Variants in HECW2 observed in about 807,000 individuals in gnomAD.
HECW2 encodes the protein HECT, C2 and WW domain containing E3 ubiquitin protein ligase 2.
A neutral mutation model predicts 175.2 loss-of-function variants in HECW2; 61 were observed. The ratio of observed to expected loss-of-function variants is 0.35; its 90% CI spans 0.28 to 0.43. The LOEUF (loss-of-function observed/expected upper bound fraction) is 0.43, where lower values mean the gene tolerates loss of function less well. Among genes scored for constraint, HECW2 ranks in the 20% least tolerant of loss-of-function variants. HECW2 has a pLI of 1.00. For missense variants in HECW2, 1,524 were observed against 2,000.5 expected, an observed-to-expected ratio of 0.76 and a Z score of 4.54; for synonymous variants, 671 against 731.0, an observed-to-expected ratio of 0.92 and a Z score of 1.32.
chr2:196,564,360 G>A (rs967788770), intron 1 of HECW2, among the ~76,000 whole-genome samples: 1 of 152,148 alleles, frequency 6.6e-6, no homozygotes, highest in Non-Finnish European at 1.5e-5. Context: ...AAATGTACAT[G>A]AGATGATATT....
intron 13 of HECW2, among the ~76,000 whole-genome samples, chr2:196,297,456 A>G (rs1690860544): frequency 6.6e-6 from 1 of 152,240 alleles, no homozygotes; most frequent in South Asian, 2.1e-4. Flanking sequence ...TGGCAGCAGA[A>G]TAAGAAAATT....
At chr2:196,536,024 A>G (rs1327211387) in intron 1 of HECW2, among the ~76,000 whole-genome samples, 1 of 152,166 alleles carries the variant, frequency 6.6e-6, no homozygotes, top group Non-Finnish European at 1.5e-5. Context: ...AAAATGGTTG[A>G]TAGAGGCTAA....
At chr2:196,485,855 T>C (rs943274120) in intron 1 of HECW2, among the ~76,000 whole-genome samples, 5 of 152,168 alleles carry the variant, frequency 3.3e-5, no homozygotes, top group African/African-American at 1.2e-4. Context: ...GGGAGGAAGA[T>C]ATTTAGAAAA....
intron 1 of HECW2, among the ~76,000 whole-genome samples, chr2:196,564,013 T>C (rs2125503336): frequency 6.6e-6 from 1 of 152,312 alleles, no homozygotes; most frequent in Non-Finnish European, 1.5e-5. Flanking sequence ...CACAGGTACT[T>C]GTATATGGGA....
rs749017993 is a variant in HECW2, at chr2:196,306,577, A to T, written c.2725T>A (p.Ser909Thr). ...RRENILPHST[S>T]RSRITLLLQS... ...AACAGCAACGTGATCCTGGATCTGG[A>T]GGTAGAGTGAGGCAGGATGTTCTCC... The change falls in exon 13 of 29, where the codon TCC (serine) becomes ACC (threonine). Residue 909 changes from serine (S) to threonine (T), a missense_variant. This residue lies in a region of HECW2 where 105 missense variants were observed against 98.1 expected (regional missense o/e 1.07). Coordinates refer to ENST00000644978, the MANE Select transcript of HECW2 (RefSeq NM_001348768.2). The T allele has an allele frequency of 7.4e-6, 12 of 1,613,150 alleles. No homozygotes were observed. Among genetic ancestry groups the T allele is most frequent in the Non-Finnish European group, 9.3e-6 (11 of 1,179,560 alleles).
chr2:196,454,002 G>T (rs962887065), intron 1 of HECW2, among the ~76,000 whole-genome samples: 1 of 152,004 alleles, frequency 6.6e-6, no homozygotes, highest in Admixed American at 6.6e-5. Context: ...ACTTCTATGG[G>T]TTTTGTTTGT....
chr2:196,471,854 C>T (rs1697208997), intron 1 of HECW2, among the ~76,000 whole-genome samples: 1 of 151,750 alleles, frequency 6.6e-6, no homozygotes, highest in African/African-American at 2.4e-5. Flanking sequence ...TCAGAAAAAA[C>T]AACTACCGGG....
intron 13 of HECW2, among the ~76,000 whole-genome samples, chr2:196,301,930 T>A (rs1691078020): frequency 6.6e-6 from 1 of 152,220 alleles, no homozygotes; most frequent in Non-Finnish European, 1.5e-5. Context: ...GCAATTGCTT[T>A]TGGTACTTTT....
intron 2 of HECW2, among the ~76,000 whole-genome samples, chr2:196,408,918 G>C (rs1188653967): frequency 6.6e-6 from 1 of 152,122 alleles, no homozygotes; most frequent in Non-Finnish European, 1.5e-5. Context: ...ACAAAAGGTT[G>C]GTCACTGATA....
chr2:196,401,554 G>T (rs1315195212), intron 2 of HECW2, among the ~76,000 whole-genome samples: 1 of 151,952 alleles, frequency 6.6e-6, no homozygotes. Context: ...CTTTAAAAAC[G>T]CTACCTCAAA....
At chr2:196,302,390 A>G (rs1300284556) in intron 13 of HECW2, among the ~76,000 whole-genome samples, 2 of 152,126 alleles carry the variant, frequency 1.3e-5, no homozygotes, top group East Asian at 3.8e-4. Context: ...GATTGTCTTG[A>G]CTATTCAGGC....
intron 13 of HECW2, among the ~76,000 whole-genome samples, chr2:196,293,795 G>A (rs62184611): frequency 0.24 from 36,466 of 152,092 alleles, 4,624 homozygotes; most frequent in Middle Eastern, 0.35. Context: ...CTGAGTGAGT[G>A]CCAGATGACA....
intron 1 of HECW2, among the ~76,000 whole-genome samples, chr2:196,581,662 C>T (rs17186113): frequency 0.14 from 20,689 of 152,172 alleles, 1,466 homozygotes; most frequent in Middle Eastern, 0.23. Context: ...AAAATGAACA[C>T]CTACAGATAG....
intron 23 of HECW2, among the ~76,000 whole-genome samples, chr2:196,223,303 G>T (rs1291303261): frequency 2.0e-5 from 3 of 152,194 alleles, no homozygotes; most frequent in Admixed American, 2.0e-4. Flanking sequence ...AGATAAGGTA[G>T]GGATAGGGAT....
chr2:196,274,160 A>T, intron 15 of HECW2, 37 bp from the exon 16 acceptor site: 1 of 1,499,780 alleles, frequency 6.7e-7, no homozygotes, highest in Non-Finnish European at 9.3e-7. Context: ...CTGCACCAAG[A>T]GCCAGAATGC....
chr2:196,540,955 TC>T (rs1271263981), intron 1 of HECW2, among the ~76,000 whole-genome samples: 2 of 152,332 alleles, frequency 1.3e-5, no homozygotes, highest in East Asian at 3.9e-4. Flanking sequence ...AAATGTAGCA[TC>T]TTGCCAAGAG....
intron 1 of HECW2, among the ~76,000 whole-genome samples, chr2:196,554,335 A>G (rs1265056166): frequency 2.0e-5 from 3 of 152,244 alleles, no homozygotes; most frequent in Non-Finnish European, 4.4e-5. Context: ...CAAAAAAAAA[A>G]AAAGATTTTT....
intron 28 of HECW2, among the ~76,000 whole-genome samples, chr2:196,204,345 T>TTTGC (rs1465297494): frequency 6.6e-6 from 1 of 152,096 alleles, no homozygotes; most frequent in Non-Finnish European, 1.5e-5. Flanking sequence ...TTTTTGTTTG[T>TTTGC]TTGTTTGTTT....
intron 2 of HECW2, among the ~76,000 whole-genome samples, chr2:196,352,905 A>C (rs1235297812): frequency 6.6e-6 from 1 of 152,244 alleles, no homozygotes; most frequent in Non-Finnish European, 1.5e-5. Flanking sequence ...AGCAGTTCAG[A>C]AATGGCTTAC....
Sources: gnomAD v4.1 joint callset for allele counts (sites outside exome capture counted in the v4.1 genomes callset) on GRCh38, gnomAD v4.1.1 for gene constraint, gnomAD v4.1.1 regional missense constraint, MANE v1.5 for transcripts, NCBI Gene and HGNC (gene_info 2026-07-23, HGNC 2026-07-21) for gene names.